Variants in WDR1 observed in about 807,000 individuals in gnomAD.
The protein encoded by WDR1 is WD repeat-containing protein 1.
Under a neutral mutation model 71.9 loss-of-function variants are expected in WDR1, and 21 were observed. That is an observed-to-expected ratio of 0.29 (90% CI 0.21 to 0.42). The LOEUF is 0.42. WDR1 is among the 10% of genes least tolerant of loss of function. The probability of loss-of-function intolerance (pLI) is 1.00; values close to 1 mark genes in which losing one functional copy is unlikely to be tolerated. For synonymous variants in WDR1, 424 were observed against 347.4 expected, an observed-to-expected ratio of 1.22 and a Z score of -2.45; for missense variants, 696 against 824.5, an observed-to-expected ratio of 0.84 and a Z score of 1.91.
At chr4:10,111,686 C>G (rs1713374126) in intron 2 of WDR1, among the ~76,000 whole-genome samples, 1 of 152,092 alleles carries the variant, frequency 6.6e-6, no homozygotes, top group Non-Finnish European at 1.5e-5. Context: ...TCCTCAAGCC[C>G]TCTGTCATGC....
intron 4 of WDR1, 78 bp downstream of exon 4, chr4:10,098,914 T>C (rs1267556882): frequency 1.3e-6 from 2 of 1,587,790 alleles, no homozygotes; most frequent in Non-Finnish European, 8.6e-7. Flanking sequence ...CATCAGCGCA[T>C]CCCCCTCCCA....
At chr4:10,082,954 G>A (rs1765072107) in intron 10 of WDR1, 68 bp downstream of exon 10, 3 of 1,542,774 alleles carry the variant, frequency 1.9e-6, no homozygotes, top group South Asian at 1.2e-5. Flanking sequence ...AGTAACTGCT[G>A]GAGGGCACAA....
chr4:10,104,134 G>A (rs1043777005), intron 2 of WDR1, 148 bp from the exon 3 acceptor site: 6 of 781,262 alleles, frequency 7.7e-6, no homozygotes, highest in African/African-American at 6.9e-5. Context: ...CATACCACTT[G>A]CCTACGTATC....
intron 9 of WDR1, chr4:10,083,601 C>G (rs1446923410): frequency 2.1e-6 from 1 of 483,926 alleles, no homozygotes; most frequent in East Asian, 6.3e-5. Flanking sequence ...GGAGGTACAG[C>G]ACATGCGGAC....
rs1765118339 is a variant in WDR1, at chr4:10,084,132, G to T, written c.1039+311C>A. 2.6e-5 allele frequency among the ~76,000 whole-genome samples: 4 copies of T among 152,256 alleles called. No homozygotes were observed. The South Asian group carries it at 8.3e-4, about 31-fold the overall frequency. ...GCGCCAGGTGCCATTGGCAGAGGTAGTGGCAGCCCAAGCTCAGGGCCGTTA... is the reference window on the plus strand; with the variant it reads ...GCGCCAGGTGCCATTGGCAGAGGTATTGGCAGCCCAAGCTCAGGGCCGTTA... On this transcript the variant is annotated intron_variant, in intron 9 of 14. Transcript: ENST00000499869.
rs748635612 is a variant in WDR1, at chr4:10,097,918, C to CAAAA, written c.378-31_378-28dup. ...TTGACCCAATGACACAGGTGGAAGA[C>CAAAA]AAAAAAAAAAAAAAAAAATCAATCC... On this transcript the variant is annotated intron_variant, in intron 4 of 14. Coordinates refer to ENST00000499869, the MANE Select transcript of WDR1 (RefSeq NM_017491.5). The CAAAA allele has an allele frequency of 2.5e-4, 301 of 1,212,778 alleles. No homozygotes were observed. The African/African-American group carries it at 2.6e-3, about 11-fold the overall frequency. The allele number at this position is 1,212,778 out of a possible 1,614,324, so 75.1% of individuals were successfully genotyped here.
chr4:10,083,277 A>C, intron 9 of WDR1, 99 bp from the exon 10 acceptor site: 1 of 1,417,460 alleles, frequency 7.1e-7, no homozygotes, highest in Non-Finnish European at 9.4e-7. Flanking sequence ...AAGAATGAGA[A>C]TCTCGCCGCA....
intron 5 of WDR1, among the ~76,000 whole-genome samples, chr4:10,097,414 T>G (rs140670500): frequency 6.6e-6 from 1 of 152,230 alleles, no homozygotes; most frequent in Non-Finnish European, 1.5e-5. Context: ...CAGCCCCAGA[T>G]GCTTGCCTGG....
In WDR1 at chr4:10,109,199, C is replaced by T. The variant is rs552511035; in HGVS notation, c.139-5213G>A. Among the ~76,000 whole-genome samples the T allele has an allele frequency of 9.6e-4, 146 of 152,382 alleles. 2 individuals are homozygous for T. In the Middle Eastern group the frequency reaches 0.02, roughly 21 times the overall value. ...AAACCAAGGCAGACACTGGGCGATA[C>T]GCCCCAGGCCACCCAGCTGTTAAGT... On this transcript the variant is annotated intron_variant, in intron 2 of 14. Transcript: ENST00000499869.
rs188356704 is a variant in WDR1, at chr4:10,093,837, G to A, written c.558+3874C>T. On this transcript the variant is annotated intron_variant, in intron 5 of 14. Coordinates refer to ENST00000499869, the MANE Select transcript of WDR1 (RefSeq NM_017491.5). ...AGGCAGCCACCATACATGCCAGAAG[G>A]GCTGAAACATCTGCTCTCTGCCCTG... 2.3e-3 allele frequency among the ~76,000 whole-genome samples: 353 copies of A among 152,360 alleles called. 2 individuals are homozygous for A. Among genetic ancestry groups the A allele is most frequent in the Non-Finnish European group, 4.0e-3 (269 of 68,038 alleles).
chr4:10,079,112 A>G, intron 11 of WDR1, 111 bp from the exon 12 acceptor site: 2 of 804,348 alleles, frequency 2.5e-6, no homozygotes, highest in Non-Finnish European at 3.8e-6. Flanking sequence ...GTTTGGCTCC[A>G]TACCCAACCT....
At chr4:10,081,097 G>C (rs972817269) in intron 11 of WDR1, among the ~76,000 whole-genome samples, 1 of 152,242 alleles carries the variant, frequency 6.6e-6, no homozygotes, top group Non-Finnish European at 1.5e-5. Context: ...CTGAGGCTTA[G>C]AGACAAATCC....
At chr4:10,079,721 C>T (rs565158488) in intron 11 of WDR1, among the ~76,000 whole-genome samples, 44 of 152,362 alleles carry the variant, frequency 2.9e-4, no homozygotes, top group African/African-American at 1.1e-3. Flanking sequence ...TGAGGGAAGG[C>T]AGCCTCTGCC....
chr4:10,109,936 G>A (rs573421132), intron 2 of WDR1, among the ~76,000 whole-genome samples: 15 of 152,310 alleles, frequency 9.8e-5, no homozygotes, highest in South Asian at 6.2e-4. Flanking sequence ...AATTAGCTCC[G>A]TTAAATCTTA....
At chr4:10,088,597 G>A in intron 6 of WDR1, 67 bp downstream of exon 6, 2 of 1,391,832 alleles carry the variant, frequency 1.4e-6, no homozygotes. Context: ...GCAGCCTGCG[G>A]CTCTGAGCAG....
Position 10,087,769 on chromosome 4 carries a change from G to T in WDR1, c.889C>A (p.Leu297Met). 1 of 1,602,206 alleles carries T rather than the reference G, an allele frequency of 6.2e-7. No individual in the cohort carries two copies. The highest frequency in any genetic ancestry group is 2.3e-5 in the East Asian group (1 of 44,430). The stretch of plus-strand genomic sequence containing the variant: ...TCCAGATAGTTGATGTACCCGGACA[G>T]GGAGACACTGAGCAGGTGGTCCTTC... ...WQKDHLLSVS[L>M]SGYINYLDRN... The change falls in exon 8 of 15, where the codon CTG becomes ATG. Residue 297 changes from leucine (L) to methionine (M), a missense_variant. Coordinates refer to ENST00000499869, the MANE Select transcript of WDR1 (RefSeq NM_017491.5).
chr4:10,082,879 C>T (rs1056871284), intron 10 of WDR1, 143 bp downstream of exon 10: 11 of 1,130,318 alleles, frequency 9.7e-6, no homozygotes, highest in Non-Finnish European at 1.3e-5. Context: ...GGCCCAACAA[C>T]AGGAGAACAA....
At chr4:10,114,722 C>A (rs892005078) in intron 2 of WDR1, among the ~76,000 whole-genome samples, 3 of 152,226 alleles carry the variant, frequency 2.0e-5, no homozygotes, top group Admixed American at 2.0e-4. Flanking sequence ...CATTAGATCC[C>A]TGGTGATTTT....
chr4:10,116,388 A>T, intron 1 of WDR1, 154 bp from the exon 2 acceptor site: 1 of 1,178,906 alleles, frequency 8.5e-7, no homozygotes, highest in Non-Finnish European at 1.2e-6. Context: ...GAACCGCGCG[A>T]CTTCCTGGTC....
Sources: allele counts gnomAD v4.1 joint callset (sites outside exome capture counted in the v4.1 genomes callset), GRCh38; gene constraint gnomAD v4.1.1; transcripts MANE v1.5; gene names NCBI Gene and HGNC (gene_info 2026-07-23, HGNC 2026-07-21).